NTSR1: variants seen among roughly 807,000 people sequenced by gnomAD.
NTSR1 encodes neurotensin receptor type 1.
In NTSR1, 29 loss-of-function variants were observed where a neutral mutation model predicts 31.2. The observed-to-expected ratio is 0.93, with a 90% CI of 0.69 to 1.27. The LOEUF (loss-of-function observed/expected upper bound fraction) is 1.27, where lower values mean the gene tolerates loss of function less well. NTSR1 is among the 50% of genes most tolerant of loss of function. The probability of loss-of-function intolerance (pLI) is 0.00; values close to 1 mark genes in which losing one functional copy is unlikely to be tolerated. For missense variants in NTSR1, 697 were observed against 595.4 expected (o/e 1.17, Z -1.78); for synonymous variants, 282 against 269.9 (o/e 1.04, Z -0.44).
chr20:62,760,043 T>G lies in NTSR1; in HGVS notation c.1033T>G (p.Phe345Val). The G allele has an allele frequency of 6.2e-7, 1 of 1,614,084 alleles. No individual in the cohort carries two copies. The highest frequency in any genetic ancestry group is 1.7e-5 in the Admixed American group (1 of 60,022). The change falls in exon 4 of 4, where the codon TTC becomes GTC. Residue 345 changes from phenylalanine to valine, a missense_variant. Coordinates refer to ENST00000370501, the MANE Select transcript of NTSR1 (RefSeq NM_002531.3). Reference sequence around the variant, plus strand: ...GTTCCTCTATGACTTCTACCACTACTTCTACATGGTGACCAACGCACTCTT... The same window carrying G: ...GTTCCTCTATGACTTCTACCACTACGTCTACATGGTGACCAACGCACTCTT... ...TPFLYDFYHY[F>V]YMVTNALFYV...
rs139561447 is a variant in NTSR1, at chr20:62,714,023, T to C, written c.714+4102T>C. 1.6e-3 allele frequency among the ~76,000 whole-genome samples: 250 copies of C among 152,170 alleles called. No homozygotes were observed. Among genetic ancestry groups the C allele is most frequent in the African/African-American group, 5.8e-3 (239 of 41,520 alleles). On this transcript the variant is annotated intron_variant, in intron 1 of 3. Coordinates refer to ENST00000370501, the MANE Select transcript of NTSR1 (RefSeq NM_002531.3). The surrounding 1 kb of genome is among the most constrained non-coding windows in gnomAD (Gnocchi z 4.1). ...GCTGAGGCAGGAGAATCGCTTGAGC[T>C]TGGGAGGCGGAGGTTGCAGTGAGCC...
At position 62,708,960 on chromosome 20, in the gene NTSR1, A is replaced by G. The variant is rs1988529107; in HGVS notation, c.-248A>G. On this transcript the variant is annotated 5_prime_UTR_variant, in exon 1 of 4. Transcript: ENST00000370501. The surrounding 1 kb of genome is among the most constrained non-coding windows in gnomAD (Gnocchi z 5.9). Reference sequence around the variant, plus strand: ...AAGCGCCGAGCCGGGAGACAGCCCGAGGAACCACGGGTTCTGGAGCTAGGA... The same window carrying G: ...AAGCGCCGAGCCGGGAGACAGCCCGGGGAACCACGGGTTCTGGAGCTAGGA... 1 of 411,830 alleles carries G rather than the reference A, an allele frequency of 2.4e-6. No homozygotes were observed. The highest frequency in any genetic ancestry group is 4.3e-6 in the Non-Finnish European group (1 of 234,698). The allele number at this position is 411,830 out of a possible 1,614,324, so 25.5% of individuals were successfully genotyped here. A position where few individuals can be genotyped will look rare whatever the true frequency, so the allele number is the denominator to read the frequency against.
At chr20:62,753,993 C>A (rs1323820242) in intron 1 of NTSR1, among the ~76,000 whole-genome samples, 1 of 152,222 alleles carries the variant, frequency 6.6e-6, no homozygotes. Flanking sequence ...GCACAGCCCC[C>A]CTTGCGCTGG....
rs955726717 is a variant in NTSR1, at chr20:62,715,915, C to T, written c.714+5994C>T. 1.3e-5 allele frequency among the ~76,000 whole-genome samples: 2 copies of T among 152,088 alleles called. No individual in the cohort carries two copies. Among genetic ancestry groups the T allele is most frequent in the South Asian group, 4.1e-4 (2 of 4,826 alleles). On this transcript the variant is annotated intron_variant, in intron 1 of 3. Coordinates refer to ENST00000370501, the MANE Select transcript of NTSR1 (RefSeq NM_002531.3). This position sits in a 1 kb window ranked among gnomAD's most constrained non-coding sequence, Gnocchi z 4.7. ...AGAGGGCCCTGGGCTGAGCAGGGCC[C>T]GAGAGGACGTCCGACCTGTGCACGA...
chr20:62,716,522 C>T (rs1423194115), intron 1 of NTSR1, among the ~76,000 whole-genome samples: 3 of 152,238 alleles, frequency 2.0e-5, no homozygotes, highest in Non-Finnish European at 2.9e-5. Flanking sequence ...GTCCCGCCTC[C>T]GTGAGTCTGT....
In NTSR1 at chr20:62,709,004, G is replaced by A. The variant is rs1988530249; in HGVS notation, c.-204G>A. The A allele has an allele frequency of 6.6e-6, 3 of 454,900 alleles. No individual in the cohort carries two copies. Among genetic ancestry groups the A allele is most frequent in the Admixed American group, 4.4e-5 (1 of 22,562 alleles). The allele number at this position is 454,900 out of a possible 1,614,324, so 28.2% of individuals were successfully genotyped here. ...GCTAGGAGCCGGAAGCTGGGAGTCC[G>A]GAGGAGAGCGGAGCCCGGAGCCCGG... On this transcript the variant is annotated 5_prime_UTR_variant, in exon 1 of 4. Coordinates refer to ENST00000370501, the MANE Select transcript of NTSR1 (RefSeq NM_002531.3).
At chr20:62,754,171 T>G (rs1046623751) in intron 1 of NTSR1, among the ~76,000 whole-genome samples, 2 of 151,444 alleles carry the variant, frequency 1.3e-5, no homozygotes, top group African/African-American at 4.9e-5. Flanking sequence ...GTAGCTGGGG[T>G]GGGAGGGAGG....
intron 1 of NTSR1, among the ~76,000 whole-genome samples, chr20:62,731,414 C>G (rs1473242390): frequency 6.6e-6 from 1 of 152,090 alleles, no homozygotes; most frequent in African/African-American, 2.4e-5. Flanking sequence ...TGAAGTCCAG[C>G]TTATTCATTT....
intron 2 of NTSR1, among the ~76,000 whole-genome samples, chr20:62,755,854 C>A: frequency 1.1e-5 from 1 of 89,178 alleles, no homozygotes; most frequent in Non-Finnish European, 2.3e-5. Flanking sequence ...TCCATCCATC[C>A]TCCCTCCCTC....
Position 62,739,394 on chromosome 20 carries a change from G to T in NTSR1, c.715-15291G>T, listed in dbSNP as rs1039968250. Among the ~76,000 whole-genome samples the T allele has an allele frequency of 3.6e-4, 55 of 152,364 alleles. 1 individual carries two copies. The highest frequency in any genetic ancestry group is 1.3e-3 in the African/African-American group (55 of 41,596). On this transcript the variant is annotated intron_variant, in intron 1 of 3. Transcript: ENST00000370501. ...CTGGAGCCCCTGGAATCACACAGAAGGGGCCTGGCTGAAGCACAAAGGGTG... is the reference window on the plus strand; with the variant it reads ...CTGGAGCCCCTGGAATCACACAGAATGGGCCTGGCTGAAGCACAAAGGGTG...
At position 62,709,666 on chromosome 20, in the gene NTSR1, CG is replaced by C. The variant is rs1285170096; in HGVS notation, c.460del (p.Ala154ProfsTer9). The C allele has an allele frequency of 1.2e-6, 2 of 1,612,608 alleles. No homozygotes were observed. The highest frequency in any genetic ancestry group is 1.7e-5 in the Admixed American group (1 of 60,006). On this transcript the variant is annotated frameshift_variant, in exon 1 of 4. Transcript: ENST00000370501. LOFTEE classifies it high-confidence loss of function. ...YYFLRDACTY[A>X]TALNVASLSV... ...ACTTCCTGCGCGACGCCTGCACCTACGCCACGGCCCTCAACGTGGCCAGCCT... is the reference window on the plus strand; with the variant it reads ...ACTTCCTGCGCGACGCCTGCACCTACCCACGGCCCTCAACGTGGCCAGCCT...
At chr20:62,710,280 G>C (rs774526075) in intron 1 of NTSR1, among the ~76,000 whole-genome samples, 52 of 152,230 alleles carry the variant, frequency 3.4e-4, no homozygotes, top group Non-Finnish European at 7.1e-4. Context: ...CCACCAACAG[G>C]TGATGTTCCT....
At position 62,716,074 on chromosome 20, in the gene NTSR1, C is replaced by G. The variant is rs565251964; in HGVS notation, c.714+6153C>G. 6.6e-5 allele frequency among the ~76,000 whole-genome samples: 10 copies of G among 152,324 alleles called. No homozygotes were observed. The South Asian group carries it at 2.1e-3, about 32-fold the overall frequency. The stretch of plus-strand genomic sequence containing the variant: ...ACATCACTTAAAATGTGCTGTTTTA[C>G]CATCTGGAAGGGCACAGTTGAGCGG... On this transcript the variant is annotated intron_variant, in intron 1 of 3. Transcript: ENST00000370501.
At chr20:62,740,220 G>A (rs1339069717) in intron 1 of NTSR1, among the ~76,000 whole-genome samples, 9 of 152,244 alleles carry the variant, frequency 5.9e-5, no homozygotes, top group Non-Finnish European at 1.3e-4. Flanking sequence ...CTGCGTTTTA[G>A]AAAAGTATGA....
In NTSR1 at chr20:62,746,361, G is replaced by A. The variant is rs554786552; in HGVS notation, c.715-8324G>A. ...CCAGCACTACTGCAGCCAGGCTGCC[G>A]CCAGCATCGCTGTGTCTGTAGCTCT... On this transcript the variant is annotated intron_variant, in intron 1 of 3. Coordinates refer to ENST00000370501, the MANE Select transcript of NTSR1 (RefSeq NM_002531.3). Among the ~76,000 whole-genome samples the A allele has an allele frequency of 1.1e-4, 17 of 152,334 alleles. No individual in the cohort carries two copies. The East Asian group carries it at 2.3e-3, about 21-fold the overall frequency.
chr20:62,728,810 C>T (rs1988955097), intron 1 of NTSR1, among the ~76,000 whole-genome samples: 1 of 152,232 alleles, frequency 6.6e-6, no homozygotes, highest in African/African-American at 2.4e-5. Flanking sequence ...GCCAGGTGCC[C>T]ACCCAGTTTC....
Position 62,760,419 on chromosome 20 carries a change from C to A in NTSR1, c.*152C>A, listed in dbSNP as rs1989600229. The A allele has an allele frequency of 9.3e-6, 7 of 751,050 alleles. No individual in the cohort carries two copies. Among genetic ancestry groups the A allele is most frequent in the Non-Finnish European group, 1.5e-5 (7 of 479,154 alleles). 46.5% of individuals were successfully genotyped at this position (751,050 alleles called of 1,614,324 possible). On this transcript the variant is annotated 3_prime_UTR_variant, in exon 4 of 4. Coordinates refer to ENST00000370501, the MANE Select transcript of NTSR1 (RefSeq NM_002531.3). ...GGCCTGGGACCCCCCCCTCCCACCC[C>A]CTAACCCATGTTTCTCATTAGTGTC...
rs1182227396 is a variant in NTSR1, at chr20:62,762,747, GGT to G, written c.*2482_*2483del. ...CAAACCCCGTGTATCTCTCAATAAA[GGT>G]GGCCGAAGGGCCTCGATGTGGACTT... On this transcript the variant is annotated 3_prime_UTR_variant, in exon 4 of 4. Transcript: ENST00000370501. 1.3e-5 allele frequency: 2 copies of G among 152,216 alleles called. No individual in the cohort carries two copies. Among genetic ancestry groups the G allele is most frequent in the Non-Finnish European group, 2.9e-5 (2 of 68,058 alleles). 9.4% of individuals were successfully genotyped at this position (152,216 alleles called of 1,614,324 possible).
At chr20:62,749,366 A>T (rs1011285351) in intron 1 of NTSR1, among the ~76,000 whole-genome samples, 1 of 151,656 alleles carries the variant, frequency 6.6e-6, no homozygotes, top group East Asian at 1.9e-4. Context: ...ATCTCACACC[A>T]TGCAAAAAAA....
Sources: allele counts gnomAD v4.1 joint callset (sites outside exome capture counted in the v4.1 genomes callset), GRCh38; gene constraint gnomAD v4.1.1; non-coding constraint Gnocchi (gnomAD v3.1); transcripts MANE v1.5; gene names NCBI Gene and HGNC (gene_info 2026-07-23, HGNC 2026-07-21).